The following GALNT13 variants were observed in gnomAD, a reference collection of about 807,000 sequenced individuals.
GALNT13 encodes polypeptide N-acetylgalactosaminyltransferase 13.
In GALNT13, 28 loss-of-function variants were observed where a neutral mutation model predicts 64.2. That is an observed-to-expected ratio of 0.44 (90% confidence interval 0.32 to 0.60). GALNT13 has a LOEUF of 0.60. GALNT13 is among the 20% of genes least tolerant of loss of function. The probability of loss-of-function intolerance (pLI) is 0.05; values close to 1 mark genes in which losing one functional copy is unlikely to be tolerated. For synonymous variants in GALNT13, 214 were observed against 224.6 expected, an observed-to-expected ratio of 0.95 and a Z score of 0.42; for missense variants, 577 against 669.8, an observed-to-expected ratio of 0.86 and a Z score of 1.53.
intron 3 of GALNT13, among the ~76,000 whole-genome samples, chr2:154,098,120 A>T (rs1205187647): frequency 7.2e-6 from 1 of 139,182 alleles, no homozygotes; most frequent in East Asian, 2.5e-4. Context: ...AGCAGTTTTA[A>T]ATTTGAATCT....
At chr2:153,548,137 C>A in the GALNT13 span, among the ~76,000 whole-genome samples, 1 of 152,102 alleles carries the variant, frequency 6.6e-6, no homozygotes, top group African/African-American at 2.4e-5. Context: ...ATGGCATTGC[C>A]TTTCAAATTT....
At chr2:154,053,058 G>T (rs1284567520) in intron 3 of GALNT13, among the ~76,000 whole-genome samples, 1 of 151,942 alleles carries the variant, frequency 6.6e-6, no homozygotes, top group Admixed American at 6.6e-5. Context: ...CTATTTTTTG[G>T]TTATCACTTT....
At chr2:153,974,498 T>C (rs1377226682) in intron 3 of GALNT13, among the ~76,000 whole-genome samples, 2 of 152,060 alleles carry the variant, frequency 1.3e-5, no homozygotes, top group Admixed American at 6.6e-5. Context: ...GCTAGTCACT[T>C]CTGTAGGTAT....
chr2:153,569,950 T>C, the GALNT13 span, among the ~76,000 whole-genome samples: 1 of 152,286 alleles, frequency 6.6e-6, no homozygotes, highest in East Asian at 1.9e-4. Context: ...ACGATGTTTG[T>C]CTTTCTGTGC....
chr2:153,275,902 A>G, the GALNT13 span, among the ~76,000 whole-genome samples: 3 of 152,200 alleles, frequency 2.0e-5, no homozygotes, highest in African/African-American at 7.2e-5. Flanking sequence ...TATATTAACT[A>G]TATTCCCATG....
chr2:154,295,348 T>TTTTATTTATTTATGTA (rs1553510431), intron 8 of GALNT13, among the ~76,000 whole-genome samples: 2 of 142,222 alleles, frequency 1.4e-5, no homozygotes, highest in African/African-American at 5.2e-5. Flanking sequence ...ATTCTTTTTA[T>TTTTATTTATTTATGTA]TTTATTTATT....
At chr2:154,117,522 T>G (rs1681660163) in intron 3 of GALNT13, among the ~76,000 whole-genome samples, 1 of 152,242 alleles carries the variant, frequency 6.6e-6, no homozygotes, top group Admixed American at 6.5e-5. Context: ...ATATGATATT[T>G]GGTTTTCCAT....
chr2:153,636,581 C>T, the GALNT13 span, among the ~76,000 whole-genome samples: 2 of 152,182 alleles, frequency 1.3e-5, no homozygotes, highest in East Asian at 1.9e-4. Context: ...TAGGATATTT[C>T]TGGTTTTTAA....
At chr2:153,787,331 C>T in the GALNT13 span, among the ~76,000 whole-genome samples, 1 of 152,138 alleles carries the variant, frequency 6.6e-6, no homozygotes, top group African/African-American at 2.4e-5. Flanking sequence ...GCTTCAACAC[C>T]AAAACTACCT....
the GALNT13 span, among the ~76,000 whole-genome samples, chr2:153,702,249 A>G: frequency 6.6e-6 from 1 of 152,204 alleles, no homozygotes; most frequent in Non-Finnish European, 1.5e-5. Flanking sequence ...ATAGGAACAG[A>G]AAACCAAACA....
At chr2:153,717,951 C>A in the GALNT13 span, among the ~76,000 whole-genome samples, 2 of 151,860 alleles carry the variant, frequency 1.3e-5, no homozygotes, top group African/African-American at 4.8e-5. Flanking sequence ...ATAAAAATAT[C>A]TAAAAATTAG....
At chr2:153,718,218 A>G in the GALNT13 span, among the ~76,000 whole-genome samples, 1 of 152,188 alleles carries the variant, frequency 6.6e-6, no homozygotes, top group South Asian at 2.1e-4. Context: ...AGCTAGGACC[A>G]TAAGAGAGAC....
At chr2:153,528,219 T>C in the GALNT13 span, among the ~76,000 whole-genome samples, 1 of 151,546 alleles carries the variant, frequency 6.6e-6, no homozygotes, top group African/African-American at 2.4e-5. Flanking sequence ...AAACTGAAAG[T>C]AAATGGATGG....
chr2:154,403,907 A>T (rs886598982), intron 10 of GALNT13, among the ~76,000 whole-genome samples: 14 of 152,184 alleles, frequency 9.2e-5, no homozygotes, highest in African/African-American at 3.4e-4. Flanking sequence ...TGTTTTGGCA[A>T]ATTAGTTAAC....
At chr2:153,291,262 C>A in the GALNT13 span, among the ~76,000 whole-genome samples, 7 of 151,960 alleles carry the variant, frequency 4.6e-5, no homozygotes, top group African/African-American at 1.7e-4. Context: ...AGAAAACAGG[C>A]CAGAAGCTAT....
At chr2:154,398,776 A>G (rs1699168808) in intron 10 of GALNT13, among the ~76,000 whole-genome samples, 1 of 152,188 alleles carries the variant, frequency 6.6e-6, no homozygotes. Flanking sequence ...AAGACATAAA[A>G]CATCTAGCCC....
At chr2:154,129,424 A>G (rs188166056) in intron 3 of GALNT13, among the ~76,000 whole-genome samples, 1 of 152,296 alleles carries the variant, frequency 6.6e-6, no homozygotes, top group Admixed American at 6.5e-5. Context: ...CATGCCCAGC[A>G]TGAATAGGTG....
the GALNT13 span, among the ~76,000 whole-genome samples, chr2:153,268,466 TG>T: frequency 6.6e-6 from 1 of 152,222 alleles, no homozygotes; most frequent in Admixed American, 6.5e-5. Flanking sequence ...CCTTCCTGAC[TG>T]CTTTCATGTG....
intron 3 of GALNT13, among the ~76,000 whole-genome samples, chr2:153,985,650 A>G (rs1471807913): frequency 1.3e-5 from 2 of 152,028 alleles, no homozygotes; most frequent in East Asian, 3.9e-4. Context: ...AGTGGACTCC[A>G]TCAGCTTAAT....
Sources: gnomAD v4.1 joint callset for allele counts (sites outside exome capture counted in the v4.1 genomes callset) on GRCh38, gnomAD v4.1.1 for gene constraint, MANE v1.5 for transcripts, NCBI Gene and HGNC (gene_info 2026-07-23, HGNC 2026-07-21) for gene names.